Variants in GPC5 observed in about 807,000 individuals in gnomAD.
The protein encoded by GPC5 is glypican-5.
Under a neutral mutation model 53.9 loss-of-function variants are expected in GPC5, and 47 were observed. The ratio of observed to expected loss-of-function variants is 0.87; its 90% CI spans 0.69 to 1.11. GPC5 has a LOEUF of 1.11. Among genes scored for constraint, GPC5 ranks in the 50% most tolerant of loss-of-function variants. GPC5 has a pLI of 0.00. For synonymous variants in GPC5, 286 were observed against 263.3 expected, an observed-to-expected ratio of 1.09 and a Z score of -0.84; for missense variants, 748 against 713.1, an observed-to-expected ratio of 1.05 and a Z score of -0.56.
chr13:91,491,077 C>T (rs1883917570), intron 2 of GPC5, among the ~76,000 whole-genome samples: 1 of 152,170 alleles, frequency 6.6e-6, no homozygotes, highest in Non-Finnish European at 1.5e-5. Flanking sequence ...ACTTCTGCTT[C>T]TCCTCTGAGA....
chr13:92,069,237 C>A (rs533349488), intron 6 of GPC5, among the ~76,000 whole-genome samples: 3 of 151,962 alleles, frequency 2.0e-5, no homozygotes, highest in Non-Finnish European at 4.4e-5. Flanking sequence ...TATCTCTATG[C>A]TAAAACAAAC....
intron 7 of GPC5, among the ~76,000 whole-genome samples, chr13:92,174,764 A>G (rs2042097712): frequency 6.6e-6 from 1 of 152,056 alleles, no homozygotes; most frequent in African/African-American, 2.4e-5. Context: ...GAAAAAACAA[A>G]TAGCGATGTC....
chr13:92,253,396 T>C (rs551539960), intron 7 of GPC5, among the ~76,000 whole-genome samples: 8 of 150,114 alleles, frequency 5.3e-5, no homozygotes, highest in South Asian at 4.3e-4. Flanking sequence ...TCTGGGACTT[T>C]ATTTAAGTGG....
intron 7 of GPC5, among the ~76,000 whole-genome samples, chr13:92,293,422 C>CTTTTTTTTTTTTTTTTT (rs748125673): frequency 1.3e-5 from 1 of 77,272 alleles, no homozygotes; most frequent in Non-Finnish European, 2.4e-5. Flanking sequence ...TGGTTGGTTT[C>CTTTTTTTTTTTTTTTTT]TTTTTTTTTT....
At chr13:91,427,718 G>A (rs934470827) in intron 1 of GPC5, among the ~76,000 whole-genome samples, 1 of 152,098 alleles carries the variant, frequency 6.6e-6, no homozygotes, top group African/African-American at 2.4e-5. Flanking sequence ...CATGAGATTT[G>A]GGAGGAGCCA....
At chr13:92,620,843 C>G (rs933799474) in intron 7 of GPC5, among the ~76,000 whole-genome samples, 1 of 152,200 alleles carries the variant, frequency 6.6e-6, no homozygotes, top group African/African-American at 2.4e-5. Context: ...ATATCACTAT[C>G]TTTAAACAGG....
chr13:92,515,669 C>T (rs983543309), intron 7 of GPC5, among the ~76,000 whole-genome samples: 2 of 151,872 alleles, frequency 1.3e-5, no homozygotes, highest in African/African-American at 4.8e-5. Context: ...ATCAATGAAC[C>T]CAATCAATAA....
At chr13:92,276,209 G>A (rs919181829) in intron 7 of GPC5, among the ~76,000 whole-genome samples, 2 of 152,090 alleles carry the variant, frequency 1.3e-5, no homozygotes, top group African/African-American at 2.4e-5. Flanking sequence ...TGTTCCTTTT[G>A]TAACATACTG....
At chr13:91,418,880 C>T (rs926750501) in intron 1 of GPC5, among the ~76,000 whole-genome samples, 4 of 151,860 alleles carry the variant, frequency 2.6e-5, no homozygotes, top group African/African-American at 4.8e-5. Context: ...TTATTTTCTT[C>T]TGCTTGTCTT....
intron 7 of GPC5, among the ~76,000 whole-genome samples, chr13:92,684,684 A>C (rs1938747743): frequency 6.6e-6 from 1 of 152,228 alleles, no homozygotes; most frequent in Non-Finnish European, 1.5e-5. Flanking sequence ...GGTAATTATG[A>C]ATAACACTAG....
At chr13:91,408,728 T>C (rs1877508085) in intron 1 of GPC5, among the ~76,000 whole-genome samples, 1 of 152,208 alleles carries the variant, frequency 6.6e-6, no homozygotes, top group African/African-American at 2.4e-5. Flanking sequence ...AAATTGTTTA[T>C]TACTCTTATT....
At chr13:92,143,948 C>T (rs541662409) in intron 6 of GPC5, among the ~76,000 whole-genome samples, 1 of 152,170 alleles carries the variant, frequency 6.6e-6, no homozygotes, top group African/African-American at 2.4e-5. Flanking sequence ...ACATTTTTTT[C>T]ATAATATACT....
At position 92,360,365 on chromosome 13, in the gene GPC5, A is replaced by T. The variant is rs1465772331; in HGVS notation, c.1561+215376A>T. The stretch of plus-strand genomic sequence containing the variant: ...GTGAATCCATCCCATAAACAGAACT[A>T]AAGATAAAAACTTCATGATTGCTTC... On this transcript the variant is annotated intron_variant, in intron 7 of 7. Transcript: ENST00000377067. Among the ~76,000 whole-genome samples, 3 of 151,754 alleles carry T rather than the reference A, an allele frequency of 2.0e-5. No homozygotes were observed. In the East Asian group the frequency reaches 5.8e-4, roughly 29 times the overall value.
At chr13:91,994,149 G>T (rs922321064) in intron 6 of GPC5, among the ~76,000 whole-genome samples, 1 of 152,148 alleles carries the variant, frequency 6.6e-6, no homozygotes, top group Admixed American at 6.5e-5. Flanking sequence ...AGGAATACAA[G>T]TAAGAAAAGG....
intron 7 of GPC5, among the ~76,000 whole-genome samples, chr13:92,368,107 C>A (rs1008254208): frequency 7.2e-5 from 11 of 152,132 alleles, no homozygotes; most frequent in Non-Finnish European, 1.5e-4. Flanking sequence ...GCCTCAGCCT[C>A]CTGAGTAGCT....
intron 7 of GPC5, among the ~76,000 whole-genome samples, chr13:92,149,183 T>C (rs769265911): frequency 4.6e-5 from 7 of 152,050 alleles, no homozygotes; most frequent in African/African-American, 1.7e-4. Context: ...TTCCACATTC[T>C]AAATATTTGA....
At chr13:92,642,470 G>T (rs544595711) in intron 7 of GPC5, among the ~76,000 whole-genome samples, 1 of 152,204 alleles carries the variant, frequency 6.6e-6, no homozygotes, top group East Asian at 1.9e-4. Context: ...GTAGTCCATT[G>T]GTGTCTCAAC....
At chr13:92,863,421 C>G (rs936324216) in intron 7 of GPC5, among the ~76,000 whole-genome samples, 2 of 152,194 alleles carry the variant, frequency 1.3e-5, no homozygotes, top group Non-Finnish European at 2.9e-5. Flanking sequence ...ACAGCAAGGG[C>G]TCTGTAGATA....
At chr13:92,422,058 T>A (rs1050358584) in intron 7 of GPC5, among the ~76,000 whole-genome samples, 2 of 151,942 alleles carry the variant, frequency 1.3e-5, no homozygotes, top group Non-Finnish European at 2.9e-5. Context: ...TGTTTTTGTC[T>A]CTCCAAGGCT....
Sources: gnomAD v4.1 joint callset for allele counts (sites outside exome capture counted in the v4.1 genomes callset) on GRCh38, gnomAD v4.1.1 for gene constraint, MANE v1.5 for transcripts, NCBI Gene and HGNC (gene_info 2026-07-23, HGNC 2026-07-21) for gene names.